Variants in TNFRSF11A observed in about 807,000 individuals in gnomAD.
TNFRSF11A encodes the protein tumor necrosis factor receptor superfamily member 11A.
In TNFRSF11A, 32 loss-of-function variants were observed where a neutral mutation model predicts 55.7. The observed-to-expected ratio is 0.57, with a 90% CI of 0.43 to 0.77. TNFRSF11A has a LOEUF of 0.77. Ranked by LOEUF, TNFRSF11A falls within the 30% of genes least tolerant of loss-of-function variation. The probability of loss-of-function intolerance (pLI) is 0.00; values close to 1 mark genes in which losing one functional copy is unlikely to be tolerated. For missense variants in TNFRSF11A, 753 were observed against 809.8 expected (o/e 0.93, Z 0.85); for synonymous variants, 311 against 331.0 (o/e 0.94, Z 0.65).
chr18:62,350,580 C>T (rs573975944), intron 3 of TNFRSF11A, among the ~76,000 whole-genome samples: 3 of 152,348 alleles, frequency 2.0e-5, no homozygotes, highest in South Asian at 4.1e-4. Flanking sequence ...GTGTGAGCCA[C>T]CGTGCCCGGC....
Position 62,390,454 on chromosome 18 carries a change from TC to T in TNFRSF11A, c.*5424del, listed in dbSNP as rs1394471023. 3 of 152,212 alleles carry T rather than the reference TC, an allele frequency of 2.0e-5. No individual in the cohort carries two copies. Among genetic ancestry groups the T allele is most frequent in the African/African-American group, 7.2e-5 (3 of 41,436 alleles). 9.4% of individuals were successfully genotyped at this position (152,212 alleles called of 1,614,324 possible). A position where few individuals can be genotyped will look rare whatever the true frequency, so the allele number is the denominator to read the frequency against. On this transcript the variant is annotated 3_prime_UTR_variant, in exon 10 of 10. Transcript: ENST00000586569. The stretch of plus-strand genomic sequence containing the variant: ...TTTGTCATGGTATTCCTGGTGCCTC[TC>T]CCCGTTTGGGAAGAATAACACATTG...
At chr18:62,326,589 G>A (rs1333858414) in intron 1 of TNFRSF11A, among the ~76,000 whole-genome samples, 2 of 152,190 alleles carry the variant, frequency 1.3e-5, no homozygotes, top group Non-Finnish European at 2.9e-5. Context: ...AGCCACCTAA[G>A]AAAAACCTGC....
At chr18:62,358,023 G>C in intron 4 of TNFRSF11A, 1 of 546,522 alleles carries the variant, frequency 1.8e-6, no homozygotes, top group South Asian at 2.0e-5. Context: ...CTTTCTGAGC[G>C]TGGTTCCATA....
At chr18:62,335,051 C>T (rs571068439) in intron 1 of TNFRSF11A, among the ~76,000 whole-genome samples, 1 of 152,092 alleles carries the variant, frequency 6.6e-6, no homozygotes, top group African/African-American at 2.4e-5. Flanking sequence ...GAAAATTGCC[C>T]CTTTCTAATG....
chr18:62,379,106 G>A (rs545617717), intron 9 of TNFRSF11A, among the ~76,000 whole-genome samples: 8 of 152,346 alleles, frequency 5.3e-5, no homozygotes, highest in African/African-American at 1.7e-4. Flanking sequence ...GAAACCTGGC[G>A]TGCTCACGTG....
chr18:62,354,377 CTT>C lies in TNFRSF11A; in HGVS notation c.284-13_284-12del, dbSNP rs979796171. The C allele has an allele frequency of 6.4e-7, 1 of 1,565,372 alleles. No individual in the cohort carries two copies. The highest frequency in any genetic ancestry group is 8.6e-7 in the Non-Finnish European group (1 of 1,160,330). Reference sequence around the variant, plus strand: ...CCCCTCCCTGGCCACTGACCTGTCTCTTGTCTCCCGCAGGCAAGGCCCTGGTG... The same window carrying C: ...CCCCTCCCTGGCCACTGACCTGTCTCGTCTCCCGCAGGCAAGGCCCTGGTG... On this transcript the variant is annotated splice_polypyrimidine_tract_variant and intron_variant, in intron 3 of 9. Transcript: ENST00000586569.
At chr18:62,338,428 G>C (rs2046264919) in intron 1 of TNFRSF11A, among the ~76,000 whole-genome samples, 1 of 152,238 alleles carries the variant, frequency 6.6e-6, no homozygotes. Context: ...GTGTCCATCA[G>C]TGGATGAATG....
At chr18:62,331,645 G>A (rs551483437) in intron 1 of TNFRSF11A, among the ~76,000 whole-genome samples, 3 of 152,352 alleles carry the variant, frequency 2.0e-5, no homozygotes, top group Admixed American at 2.0e-4. Flanking sequence ...GATCCCCAGA[G>A]AGTCACATCA....
At chr18:62,357,000 C>A (rs1909308446) in intron 4 of TNFRSF11A, among the ~76,000 whole-genome samples, 1 of 152,174 alleles carries the variant, frequency 6.6e-6, no homozygotes, top group African/African-American at 2.4e-5. Context: ...TTGTGCTTCT[C>A]TTTTAAAAAG....
chr18:62,339,014 C>T (rs1451920654), intron 1 of TNFRSF11A, among the ~76,000 whole-genome samples: 1 of 152,178 alleles, frequency 6.6e-6, no homozygotes, highest in African/African-American at 2.4e-5. Flanking sequence ...CTGCACTTTT[C>T]GTCTCCATCT....
chr18:62,366,254 G>T (rs1009318505), intron 7 of TNFRSF11A, among the ~76,000 whole-genome samples: 2 of 152,196 alleles, frequency 1.3e-5, no homozygotes, highest in African/African-American at 4.8e-5. Flanking sequence ...GCCTGATAGA[G>T]AAATAAAAAT....
intron 9 of TNFRSF11A, among the ~76,000 whole-genome samples, chr18:62,372,568 G>A (rs1461902534): frequency 6.6e-6 from 1 of 151,978 alleles, no homozygotes; most frequent in Non-Finnish European, 1.5e-5. Context: ...GTTTGTACCT[G>A]GGTATATTGT....
intron 1 of TNFRSF11A, among the ~76,000 whole-genome samples, chr18:62,344,147 G>T (rs755659016): frequency 6.6e-6 from 1 of 152,228 alleles, no homozygotes; most frequent in Non-Finnish European, 1.5e-5. Flanking sequence ...GGTAACATGG[G>T]TTACCTGTGC....
intron 7 of TNFRSF11A, among the ~76,000 whole-genome samples, chr18:62,365,990 G>A (rs1224052473): frequency 6.6e-6 from 1 of 151,974 alleles, no homozygotes; most frequent in Non-Finnish European, 1.5e-5. Context: ...GCTAATTTTT[G>A]TATTTTTAGT....
chr18:62,385,206 T>C lies in TNFRSF11A; in HGVS notation c.*172T>C, dbSNP rs1911631309. 4.0e-6 allele frequency: 3 copies of C among 747,030 alleles called. No homozygotes were observed. Among genetic ancestry groups the C allele is most frequent in the Non-Finnish European group, 5.8e-6 (3 of 513,376 alleles). 46.3% of individuals were successfully genotyped at this position (747,030 alleles called of 1,614,324 possible). ...GGAAATGGGCTTTTCAGGAAGTGAA[T>C]TGATGAGGACTGTCCCCATGCCCAC... On this transcript the variant is annotated 3_prime_UTR_variant, in exon 10 of 10. Coordinates refer to ENST00000586569, the MANE Select transcript of TNFRSF11A (RefSeq NM_003839.4).
intron 1 of TNFRSF11A, among the ~76,000 whole-genome samples, chr18:62,344,614 T>C (rs1181189995): frequency 6.6e-6 from 1 of 152,128 alleles, no homozygotes; most frequent in African/African-American, 2.4e-5. Flanking sequence ...GGGAGCTTGG[T>C]CTTGGAGGAT....
intron 1 of TNFRSF11A, among the ~76,000 whole-genome samples, chr18:62,335,353 G>C (rs2046217007): frequency 6.6e-6 from 1 of 152,090 alleles, no homozygotes; most frequent in African/African-American, 2.4e-5. Flanking sequence ...TGATCCACCT[G>C]CCTTGGCCTC....
chr18:62,375,223 C>G (rs375434099), intron 9 of TNFRSF11A, among the ~76,000 whole-genome samples: 9 of 152,174 alleles, frequency 5.9e-5, no homozygotes, highest in South Asian at 2.1e-4. Flanking sequence ...GGGAGGACAG[C>G]CAAGCCCAGG....
At chr18:62,358,765 T>G (rs1401108186) in intron 5 of TNFRSF11A, among the ~76,000 whole-genome samples, 1 of 151,976 alleles carries the variant, frequency 6.6e-6, no homozygotes. Flanking sequence ...CATCGTGGGG[T>G]TTTTTTTCAC....
Sources: gnomAD v4.1 joint callset for allele counts (sites outside exome capture counted in the v4.1 genomes callset) on GRCh38, gnomAD v4.1.1 for gene constraint, MANE v1.5 for transcripts, NCBI Gene and HGNC (gene_info 2026-07-23, HGNC 2026-07-21) for gene names.